Variants in CHRM3 observed in about 807,000 individuals in gnomAD.
The protein encoded by CHRM3 is muscarinic acetylcholine receptor M3.
Under a neutral mutation model 41.8 loss-of-function variants are expected in CHRM3, and 11 were observed. The ratio of observed to expected loss-of-function variants is 0.26; its 90% CI spans 0.17 to 0.44. The LOEUF is 0.44. Among genes scored for constraint, CHRM3 ranks in the 20% least tolerant of loss-of-function variants. The pLI, the probability that CHRM3 is intolerant of heterozygous loss-of-function variation, is 1.00. For missense variants in CHRM3, 571 were observed against 745.4 expected, an observed-to-expected ratio of 0.77 and a Z score of 2.72; for synonymous variants, 297 against 301.4, an observed-to-expected ratio of 0.99 and a Z score of 0.15.
chr1:239,588,218 C>A (rs989854410), intron 3 of CHRM3, among the ~76,000 whole-genome samples: 1 of 152,166 alleles, frequency 6.6e-6, no homozygotes, highest in South Asian at 2.1e-4. Context: ...GTAGACGAGT[C>A]TAGGGACAGT....
At chr1:239,762,316 T>C (rs1411592335) in intron 5 of CHRM3, among the ~76,000 whole-genome samples, 1 of 152,242 alleles carries the variant, frequency 6.6e-6, no homozygotes, top group Non-Finnish European at 1.5e-5. Context: ...AGCATCATTA[T>C]ATAACATCTG....
chr1:239,554,070 A>G (rs1660114887), intron 3 of CHRM3, among the ~76,000 whole-genome samples: 1 of 152,126 alleles, frequency 6.6e-6, no homozygotes, highest in Non-Finnish European at 1.5e-5. Context: ...TTTTATTTGT[A>G]GTAAAGACAG....
intron 2 of CHRM3, among the ~76,000 whole-genome samples, chr1:239,542,467 G>A (rs777201315): frequency 2.2e-4 from 34 of 152,170 alleles, no homozygotes; most frequent in Admixed American, 1.4e-3. Flanking sequence ...ATTAGTATTA[G>A]AAGAGGATGG....
At chr1:239,506,736 C>T (rs1424268972) in intron 2 of CHRM3, among the ~76,000 whole-genome samples, 1 of 152,132 alleles carries the variant, frequency 6.6e-6, no homozygotes, top group African/African-American at 2.4e-5. Flanking sequence ...CCCCAAGCAC[C>T]TACAAAAGCC....
intron 5 of CHRM3, among the ~76,000 whole-genome samples, chr1:239,708,323 G>T (rs1661387278): frequency 6.6e-6 from 1 of 152,070 alleles, no homozygotes; most frequent in South Asian, 2.1e-4. Flanking sequence ...TGTTTATGCT[G>T]GTCCAAGCTT....
At chr1:239,693,335 C>T (rs188196083) in intron 5 of CHRM3, among the ~76,000 whole-genome samples, 1 of 152,078 alleles carries the variant, frequency 6.6e-6, no homozygotes, top group Non-Finnish European at 1.5e-5. Context: ...GGTAATAAAG[C>T]ATAAATGAGG....
At chr1:239,456,796 G>T (rs1391787968) in intron 1 of CHRM3, among the ~76,000 whole-genome samples, 1 of 152,186 alleles carries the variant, frequency 6.6e-6, no homozygotes, top group African/African-American at 2.4e-5. Flanking sequence ...AACAGCTTGA[G>T]GCTGTCAGGC....
rs370634927 is a variant in CHRM3, at chr1:239,634,376, CGAAAGAAA to C, written c.-250+2112_-250+2119del. 1.3e-3 allele frequency among the ~76,000 whole-genome samples: 172 copies of C among 135,562 alleles called. 1 individual carries two copies. The highest frequency in any genetic ancestry group is 2.9e-3 in the African/African-American group (102 of 35,310). 88.9% of individuals were successfully genotyped at this position (135,562 alleles called of 152,430 possible). The stretch of plus-strand genomic sequence containing the variant: ...GATAGAGAGCAAAAGCAAGAACAAA[CGAAAGAAA>C]GAAAGAAAGAAAGAAAGAAAGGAAA... On this transcript the variant is annotated intron_variant, in intron 4 of 6. Coordinates refer to ENST00000676153, the MANE Select transcript of CHRM3 (RefSeq NM_001375978.1).
At chr1:239,619,596 A>G (rs906140278) in intron 3 of CHRM3, among the ~76,000 whole-genome samples, 18 of 152,324 alleles carry the variant, frequency 1.2e-4, no homozygotes, top group Admixed American at 3.9e-4. Flanking sequence ...TGTAAATTTC[A>G]TAGTGGTCCT....
At chr1:239,454,324 A>G (rs752652633) in intron 1 of CHRM3, among the ~76,000 whole-genome samples, 3 of 152,166 alleles carry the variant, frequency 2.0e-5, no homozygotes, top group Non-Finnish European at 4.4e-5. Context: ...GCTTATGCTT[A>G]CCCATTTGTT....
chr1:239,816,429 C>G (rs1037708950), intron 5 of CHRM3, among the ~76,000 whole-genome samples: 1 of 152,136 alleles, frequency 6.6e-6, no homozygotes, highest in Non-Finnish European at 1.5e-5. Flanking sequence ...CTAATCCCCA[C>G]AGAGCATCTA....
At chr1:239,599,135 C>A (rs1245593588) in intron 3 of CHRM3, among the ~76,000 whole-genome samples, 2 of 152,120 alleles carry the variant, frequency 1.3e-5, no homozygotes, top group African/African-American at 2.4e-5. Flanking sequence ...TTTGCCTTCT[C>A]GACTTCTTTG....
At chr1:239,614,955 A>G (rs536637492) in intron 3 of CHRM3, among the ~76,000 whole-genome samples, 1 of 152,308 alleles carries the variant, frequency 6.6e-6, no homozygotes, top group South Asian at 2.1e-4. Context: ...TTTTATACAC[A>G]GTAGGATTGT....
chr1:239,556,419 G>C (rs1157389064), intron 3 of CHRM3, among the ~76,000 whole-genome samples: 1 of 152,106 alleles, frequency 6.6e-6, no homozygotes, highest in East Asian at 1.9e-4. Context: ...GGACAACACA[G>C]TGTTGAGGTA....
At chr1:239,699,328 A>G (rs1454370752) in intron 5 of CHRM3, among the ~76,000 whole-genome samples, 1 of 152,092 alleles carries the variant, frequency 6.6e-6, no homozygotes, top group Non-Finnish European at 1.5e-5. Context: ...ATGAGGTCCA[A>G]TAGGATTAGT....
chr1:239,807,094 G>T (rs1354453018), intron 5 of CHRM3, among the ~76,000 whole-genome samples: 1 of 152,142 alleles, frequency 6.6e-6, no homozygotes, highest in African/African-American at 2.4e-5. Context: ...AAAATGTGAT[G>T]ATTTGACAAA....
chr1:239,899,988 G>A (rs1419830221), intron 6 of CHRM3: 2 of 152,198 alleles, frequency 1.3e-5, no homozygotes, highest in Non-Finnish European at 2.9e-5. Context: ...TACTTATAAA[G>A]TGCGAAGGTC....
At chr1:239,718,521 C>T (rs555438175) in intron 5 of CHRM3, among the ~76,000 whole-genome samples, 4 of 152,022 alleles carry the variant, frequency 2.6e-5, no homozygotes, top group Admixed American at 1.3e-4. Context: ...TAATATTCCA[C>T]CTGGTACATG....
chr1:239,743,801 T>C (rs1264137052), intron 5 of CHRM3, among the ~76,000 whole-genome samples: 1 of 136,198 alleles, frequency 7.3e-6, no homozygotes, highest in African/African-American at 2.8e-5. Context: ...TTTTTTTTTT[T>C]TTTTTTTTTG....
Sources: allele counts gnomAD v4.1 joint callset (sites outside exome capture counted in the v4.1 genomes callset), GRCh38; gene constraint gnomAD v4.1.1; transcripts MANE v1.5; gene names NCBI Gene and HGNC (gene_info 2026-07-23, HGNC 2026-07-21).